Variants in FOXI2 observed in about 807,000 individuals in gnomAD.
FOXI2 encodes forkhead box protein I2.
In FOXI2, 17 loss-of-function variants were observed where a neutral mutation model predicts 14.3. The ratio of observed to expected loss-of-function variants is 1.19; its 90% CI spans 0.81 to 1.78. FOXI2 has a LOEUF of 1.78. Ranked by LOEUF, FOXI2 falls within the 40% of genes most tolerant of loss-of-function variation. FOXI2 has a pLI of 0.00. For synonymous variants in FOXI2, 240 were observed against 218.8 expected (o/e 1.10, Z -0.85); for missense variants, 541 against 460.0 (o/e 1.18, Z -1.61).
At position 127,738,672 on chromosome 10, in the gene FOXI2, C is replaced by A. The variant is rs757300840; in HGVS notation, c.664C>A (p.Pro222Thr). 4 of 1,594,102 alleles carry A rather than the reference C, an allele frequency of 2.5e-6. No individual in the cohort carries two copies. In the South Asian group the frequency reaches 3.4e-5, roughly 14 times the overall value. ...AGGGGCCGAGGCGCCAGCGCTGGAG[C>A]CCCCGAGCGCGGCTTGCCTGGACCT... ...VGGAEAPALEPPSAACLDLQA... is the reference protein window; with the variant it reads ...VGGAEAPALETPSAACLDLQA... The change falls in exon 2 of 2, where the codon CCC (proline) becomes ACC (threonine). Residue 222 changes from proline to threonine, a missense_variant. Pro to Thr is a conservative substitution (Grantham distance 38). Coordinates refer to ENST00000388920, the MANE Select transcript of FOXI2 (RefSeq NM_207426.3).
Position 127,737,695 on chromosome 10 carries a change from G to T in FOXI2, c.422G>T (p.Arg141Leu), listed in dbSNP as rs777360576. Residue 141 changes from arginine (R) to leucine (L), a missense_variant, in exon 1 of 2, where the codon CGC becomes CTC. Arg to Leu is a moderately radical substitution (Grantham distance 102). Transcript: ENST00000388920. ...YVAGNFPFYKRSKAGWQNSIR... is the reference protein window; with the variant it reads ...YVAGNFPFYKLSKAGWQNSIR... The stretch of plus-strand genomic sequence containing the variant: ...GCTGGTAACTTCCCTTTCTACAAGC[G>T]CAGCAAGGCGGGCTGGCAGAACTCC... The T allele has an allele frequency of 8.1e-6, 13 of 1,605,334 alleles. No homozygotes were observed. Among genetic ancestry groups the T allele is most frequent in the Non-Finnish European group, 1.0e-5 (12 of 1,175,910 alleles).
At position 127,739,808 on chromosome 10, in the gene FOXI2, CT is replaced by C. The variant is rs1255234898; in HGVS notation, c.*844del. On this transcript the variant is annotated 3_prime_UTR_variant, in exon 2 of 2. Transcript: ENST00000388920. ...ACTCACACCCACACTCACACCCACA[CT>C]CACACCCACACCCACACCCACACCC... 2.2e-4 allele frequency: 28 copies of C among 124,574 alleles called. No homozygotes were observed. The highest frequency in any genetic ancestry group is 2.7e-4 in the South Asian group (1 of 3,736). 7.7% of individuals were successfully genotyped at this position (124,574 alleles called of 1,614,324 possible).
rs879055465 is a variant in FOXI2, at chr10:127,739,851, T to TCACACCCACACCCACACC, written c.*897_*898insCCACACCCACACCCACAC. On this transcript the variant is annotated 3_prime_UTR_variant, in exon 2 of 2. Transcript: ENST00000388920. ...CCCACACCCACACTCACACTCACAC[T>TCACACCCACACCCACACC]CACACCCACACTCACACCCACACTC... 43 of 14,404 alleles carry TCACACCCACACCCACACC rather than the reference T, an allele frequency of 3.0e-3. 13 individuals are homozygous for TCACACCCACACCCACACC. In the East Asian group the frequency reaches 0.053, roughly 18 times the overall value. 0.9% of individuals were successfully genotyped at this position (14,404 alleles called of 1,614,324 possible).
rs533147899 is a variant in FOXI2 at position 127,739,010 on chromosome 10, C to T, written c.*45C>T. 1.3e-6 allele frequency: 2 copies of T among 1,516,912 alleles called. No individual in the cohort carries two copies. The highest frequency in any genetic ancestry group is 2.3e-5 in the East Asian group (1 of 44,150). 94.0% of individuals were successfully genotyped at this position (1,516,912 alleles called of 1,614,324 possible). A position where few individuals can be genotyped will look rare whatever the true frequency, so the allele number is the denominator to read the frequency against. On this transcript the variant is annotated 3_prime_UTR_variant, in exon 2 of 2. Coordinates refer to ENST00000388920, the MANE Select transcript of FOXI2 (RefSeq NM_207426.3). ...CGGGTGCGGGTCCAGAGGTGCTGAGCTCAGGCCTCCGGTTTCCCCTGGTGA... is the reference window on the plus strand; with the variant it reads ...CGGGTGCGGGTCCAGAGGTGCTGAGTTCAGGCCTCCGGTTTCCCCTGGTGA...
At chr10:127,737,919 G>A (rs1422159642) in intron 1 of FOXI2, 135 bp downstream of exon 1, 2 of 1,351,114 alleles carry the variant, frequency 1.5e-6, no homozygotes, top group African/African-American at 1.5e-5. Flanking sequence ...GGAGGAGGGA[G>A]AAGGGGAAGA....
rs1846431431 is a variant in FOXI2 at position 127,737,519 on chromosome 10, G to A, written c.246G>A (p.Ala82=). 5.6e-6 allele frequency: 8 copies of A among 1,428,432 alleles called. No homozygotes were observed. The East Asian group carries it at 2.0e-4, about 36-fold the overall frequency. 88.5% of individuals were successfully genotyped at this position (1,428,432 alleles called of 1,614,324 possible). A position where few individuals can be genotyped will look rare whatever the true frequency, so the allele number is the denominator to read the frequency against. Residue 82 remains alanine, a synonymous_variant, in exon 1 of 2, where the codon GCG becomes GCA. Transcript: ENST00000388920. ...GPLLGAPGGL[A]GADLAWLSLS... is the part of the protein sequence containing the mutation. ...TCCTCGGCGCCCCGGGCGGCCTGGCGGGCGCCGACCTCGCCTGGCTGAGCC... is the reference window on the plus strand; with the variant it reads ...TCCTCGGCGCCCCGGGCGGCCTGGCAGGCGCCGACCTCGCCTGGCTGAGCC...
chr10:127,738,717 T>C lies in FOXI2; in HGVS notation c.709T>C (p.Ser237Pro). 4 of 1,598,558 alleles carry C rather than the reference T, an allele frequency of 2.5e-6. No homozygotes were observed. The highest frequency in any genetic ancestry group is 3.4e-6 in the Non-Finnish European group (4 of 1,173,122). The change falls in exon 2 of 2, where the codon TCC (serine) becomes CCC (proline). Residue 237 changes from serine to proline, a missense_variant. Ser to Pro is a moderately conservative substitution (Grantham distance 74). Coordinates refer to ENST00000388920, the MANE Select transcript of FOXI2 (RefSeq NM_207426.3). ...CLDLQASPSP[S>P]APEAATCFSG... ...GGACCTGCAGGCCTCGCCCTCTCCA[T>C]CCGCACCCGAGGCCGCCACCTGCTT...
In FOXI2 at chr10:127,738,683, G is replaced by A. The variant is rs749691786; in HGVS notation, c.675G>A (p.Ala225=). The A allele has an allele frequency of 1.4e-5, 23 of 1,595,452 alleles. No individual in the cohort carries two copies. Among genetic ancestry groups the A allele is most frequent in the East Asian group, 2.3e-5 (1 of 43,784 alleles). The change falls in exon 2 of 2, where the codon GCG becomes GCA. Residue 225 remains alanine, a synonymous_variant. Coordinates refer to ENST00000388920, the MANE Select transcript of FOXI2 (RefSeq NM_207426.3). ...CGCCAGCGCTGGAGCCCCCGAGCGC[G>A]GCTTGCCTGGACCTGCAGGCCTCGC... ...AEAPALEPPS[A]ACLDLQASPS... is the part of the protein sequence containing the mutation.
At position 127,738,798 on chromosome 10, in the gene FOXI2, G is replaced by C; in HGVS notation, c.790G>C (p.Gly264Arg). The change falls in exon 2 of 2, where the codon GGG becomes CGG. Residue 264 changes from glycine to arginine, a missense_variant. Gly to Arg is a moderately radical substitution (Grantham distance 125). Transcript: ENST00000388920. ...GGCTGGCGGCCTTGGCACCTTCCCC[G>C]GGGGCCTGGCGGGCGACTTTTCTTT... ...ALAGGLGTFPGGLAGDFSFGR... is the reference protein window; with the variant it reads ...ALAGGLGTFPRGLAGDFSFGR... 1.2e-6 allele frequency: 2 copies of C among 1,605,754 alleles called. No individual in the cohort carries two copies. The highest frequency in any genetic ancestry group is 1.7e-6 in the Non-Finnish European group (2 of 1,176,960).
Position 127,738,997 on chromosome 10 carries a change from C to T in FOXI2, c.*32C>T. The T allele has an allele frequency of 6.4e-7, 1 of 1,572,170 alleles. No homozygotes were observed. Among genetic ancestry groups the T allele is most frequent in the South Asian group, 1.1e-5 (1 of 88,186 alleles). ...GCTGGAGGCTAGCCGGGTGCGGGTC[C>T]AGAGGTGCTGAGCTCAGGCCTCCGG... On this transcript the variant is annotated 3_prime_UTR_variant, in exon 2 of 2. Coordinates refer to ENST00000388920, the MANE Select transcript of FOXI2 (RefSeq NM_207426.3).
At chr10:127,738,474 C>T (rs747187397) in intron 1 of FOXI2, 46 bp from the exon 2 acceptor site, 33 of 1,489,526 alleles carry the variant, frequency 2.2e-5, no homozygotes, top group Non-Finnish European at 2.8e-5. Flanking sequence ...CACCACGGCC[C>T]GTCAAAGCTC....
At chr10:127,737,930 A>G (rs1846439763) in intron 1 of FOXI2, 146 bp downstream of exon 1, 1 of 1,318,232 alleles carries the variant, frequency 7.6e-7, no homozygotes, top group African/African-American at 1.5e-5. Flanking sequence ...AAGGGGAAGA[A>G]GTGCTTGGGC....
rs1846484853 is a variant in FOXI2, at chr10:127,739,915, CCA to C, written c.*954_*955del. 3 of 18,226 alleles carry C rather than the reference CCA, an allele frequency of 1.6e-4. No individual in the cohort carries two copies. 1.1% of individuals were successfully genotyped at this position (18,226 alleles called of 1,614,324 possible). A position where few individuals can be genotyped will look rare whatever the true frequency, so the allele number is the denominator to read the frequency against. ...CACCCACACTCACACACACTCACAC[CCA>C]CACCCACACTCACACCCACACACAC... On this transcript the variant is annotated 3_prime_UTR_variant, in exon 2 of 2. Transcript: ENST00000388920.
intron 1 of FOXI2, among the ~76,000 whole-genome samples, chr10:127,738,165 C>T (rs1241702260): frequency 6.6e-6 from 1 of 152,182 alleles, no homozygotes; most frequent in Admixed American, 6.5e-5. Flanking sequence ...AAATAGGATG[C>T]CCGTTTGGAA....
At position 127,739,920 on chromosome 10, in the gene FOXI2, C is replaced by CCCACA. The variant is rs1434571912; in HGVS notation, c.*957_*961dup. The CCCACA allele has an allele frequency of 1.4e-4, 1 of 7,174 alleles. No homozygotes were observed. Among genetic ancestry groups the CCCACA allele is most frequent in the Non-Finnish European group, 6.0e-4 (1 of 1,674 alleles). The allele number at this position is 7,174 out of a possible 1,614,324, so 0.4% of individuals were successfully genotyped here. On this transcript the variant is annotated 3_prime_UTR_variant, in exon 2 of 2. Coordinates refer to ENST00000388920, the MANE Select transcript of FOXI2 (RefSeq NM_207426.3). ...ACACTCACACACACTCACACCCACACCCACACTCACACCCACACACACTCA... is the reference window on the plus strand; with the variant it reads ...ACACTCACACACACTCACACCCACACCCACACCACACTCACACCCACACACACTCA...
chr10:127,737,850 C>T (rs1846438827), intron 1 of FOXI2, 66 bp downstream of exon 1: 6 of 1,559,586 alleles, frequency 3.8e-6, no homozygotes, highest in Admixed American at 3.9e-5. Context: ...CGCGGGCACT[C>T]CGGGGGTGGG....
Position 127,737,291 on chromosome 10 carries a change from C to G in FOXI2, c.18C>G (p.Asp6Glu), listed in dbSNP as rs1030587262. 1 of 1,469,394 alleles carries G rather than the reference C, an allele frequency of 6.8e-7. No homozygotes were observed. Among genetic ancestry groups the G allele is most frequent in the Non-Finnish European group, 8.9e-7 (1 of 1,121,240 alleles). The allele number at this position is 1,469,394 out of a possible 1,614,324, so 91.0% of individuals were successfully genotyped here. Reference protein sequence around the residue: MATYCDDLGPSSAPPG... With the variant: MATYCEDLGPSSAPPG... ...GGCTGGACATGGCCACCTACTGCGA[C>G]GACCTGGGCCCCTCCTCGGCCCCGC... The change falls in exon 1 of 2, where the codon GAC becomes GAG. Residue 6 changes from aspartate to glutamate, a missense_variant. Physicochemically the swap from Asp to Glu is conservative, Grantham distance 45. Transcript: ENST00000388920.
rs755270795 is a variant in FOXI2, at chr10:127,738,779, C to A, written c.771C>A (p.Gly257=). ...GFASAMSALA[G]GLGTFPGGLA... ...CTTCTGCTATGAGCGCTCTGGCTGG[C>A]GGCCTTGGCACCTTCCCCGGGGGCC... The change falls in exon 2 of 2, where the codon GGC becomes GGA. Residue 257 remains glycine, a synonymous_variant. Transcript: ENST00000388920. The A allele has an allele frequency of 5.0e-6, 8 of 1,604,934 alleles. No homozygotes were observed. In the Admixed American group the frequency reaches 6.7e-5, roughly 14 times the overall value.
At position 127,740,423 on chromosome 10, in the gene FOXI2, T is replaced by C. The variant is rs1846510178; in HGVS notation, c.*1458T>C. 6.6e-6 allele frequency: 1 copy of C among 152,266 alleles called. No homozygotes were observed. Among genetic ancestry groups the C allele is most frequent in the Non-Finnish European group, 1.5e-5 (1 of 68,102 alleles). The allele number at this position is 152,266 out of a possible 1,614,324, so 9.4% of individuals were successfully genotyped here. On this transcript the variant is annotated 3_prime_UTR_variant, in exon 2 of 2. Coordinates refer to ENST00000388920, the MANE Select transcript of FOXI2 (RefSeq NM_207426.3). Reference sequence around the variant, plus strand: ...CCCAGTCACTGGGAAGAGGAATTTTTTGGCCTCTGTACTCCTTAGAGGACC... The same window carrying C: ...CCCAGTCACTGGGAAGAGGAATTTTCTGGCCTCTGTACTCCTTAGAGGACC...
Sources: gnomAD v4.1 joint callset for allele counts (sites outside exome capture counted in the v4.1 genomes callset) on GRCh38, gnomAD v4.1.1 for gene constraint, MANE v1.5 for transcripts, NCBI Gene and HGNC (gene_info 2026-07-23, HGNC 2026-07-21) for gene names.